NRXN1: variants seen among roughly 807,000 people sequenced by gnomAD.
NRXN1 encodes the protein neurexin 1.
Under a neutral mutation model 150.9 loss-of-function variants are expected in NRXN1, and 39 were observed. The ratio of observed to expected loss-of-function variants is 0.26; its 90% CI spans 0.20 to 0.34. The LOEUF is 0.34. NRXN1 is among the 10% of genes least tolerant of loss of function. The probability of loss-of-function intolerance (pLI) is 1.00; values close to 1 mark genes in which losing one functional copy is unlikely to be tolerated. For missense variants in NRXN1, 1,815 were observed against 1,949.9 expected (o/e 0.93, Z 1.30); for synonymous variants, 924 against 757.0 (o/e 1.22, Z -3.62).
At chr2:49,987,005 C>CA (rs1199877806) in intron 21 of NRXN1, among the ~76,000 whole-genome samples, 4 of 151,766 alleles carry the variant, frequency 2.6e-5, no homozygotes, top group Non-Finnish European at 5.9e-5. Context: ...GTTGAGGCTG[C>CA]AGTGAGCCAC....
At chr2:50,675,576 C>G in intron 5 of NRXN1, among the ~76,000 whole-genome samples, 1 of 152,130 alleles carries the variant, frequency 6.6e-6, no homozygotes, top group Non-Finnish European at 1.5e-5. Flanking sequence ...TTTGGGACAA[C>G]AGTGAAATAT....
chr2:50,675,612 T>G (rs1051962016), intron 5 of NRXN1, among the ~76,000 whole-genome samples: 2 of 152,170 alleles, frequency 1.3e-5, no homozygotes, highest in Admixed American at 6.6e-5. Flanking sequence ...TCCAATGCAA[T>G]GTAAACAAAC....
At chr2:50,070,849 T>G (rs949529763) in intron 19 of NRXN1, among the ~76,000 whole-genome samples, 3 of 150,438 alleles carry the variant, frequency 2.0e-5, no homozygotes, top group Non-Finnish European at 3.0e-5. Context: ...AACCCAGGCA[T>G]CCTAAATAAT....
intron 18 of NRXN1, among the ~76,000 whole-genome samples, chr2:50,227,880 A>C (rs2152866476): frequency 6.6e-6 from 1 of 152,228 alleles, no homozygotes; most frequent in Non-Finnish European, 1.5e-5. Flanking sequence ...CTGAATTTTA[A>C]AATGTATTTA....
intron 19 of NRXN1, among the ~76,000 whole-genome samples, chr2:50,065,058 G>A (rs978618268): frequency 2.0e-5 from 3 of 152,108 alleles, no homozygotes; most frequent in African/African-American, 7.2e-5. Context: ...ATGCATGCTG[G>A]GAAATCCAGT....
chr2:50,439,043 G>A (rs1369979082), intron 17 of NRXN1, among the ~76,000 whole-genome samples: 1 of 152,204 alleles, frequency 6.6e-6, no homozygotes, highest in African/African-American at 2.4e-5. Context: ...GTCGGCAGGG[G>A]CCACTGTGGG....
At chr2:50,369,884 T>A (rs1039460167) in intron 17 of NRXN1, among the ~76,000 whole-genome samples, 1 of 151,956 alleles carries the variant, frequency 6.6e-6, no homozygotes, top group Non-Finnish European at 1.5e-5. Context: ...TACATCACCA[T>A]TGGGAGGAGA....
chr2:50,740,560 T>C (rs1699306458), intron 5 of NRXN1, among the ~76,000 whole-genome samples: 1 of 152,178 alleles, frequency 6.6e-6, no homozygotes, highest in African/African-American at 2.4e-5. Context: ...TATTTTCTCC[T>C]TAAAGAGAAA....
At chr2:50,753,964 T>G (rs972517851) in intron 5 of NRXN1, among the ~76,000 whole-genome samples, 1,400 of 118,042 alleles carry the variant, frequency 0.012, 15 homozygotes, top group Non-Finnish European at 0.015. Flanking sequence ...GATTTTTTTT[T>G]GGGGGGGGGC....
In NRXN1 at chr2:50,346,962, G is replaced by T. The variant is rs796052761; in HGVS notation, c.3365-109992C>A. The T allele has an allele frequency of 1.2e-5, 16 of 1,366,892 alleles. No individual in the cohort carries two copies. In the Admixed American group the frequency reaches 3.0e-4, roughly 25 times the overall value. The allele number at this position is 1,366,892 out of a possible 1,614,324, so 84.7% of individuals were successfully genotyped here. ...TCCTCTGGTACATGGCGGGGCGCCCGCCGAGGGGCAGCCGCCGCGGGAGGC... is the reference window on the plus strand; with the variant it reads ...TCCTCTGGTACATGGCGGGGCGCCCTCCGAGGGGCAGCCGCCGCGGGAGGC... On this transcript the variant is annotated intron_variant, in intron 17 of 22. Coordinates refer to ENST00000401669, the MANE Select transcript of NRXN1 (RefSeq NM_001330078.2). This position sits in a 1 kb window ranked among gnomAD's most constrained non-coding sequence, Gnocchi z 5.0.
chr2:50,722,480 T>C (rs747084071), intron 5 of NRXN1, among the ~76,000 whole-genome samples: 5 of 152,290 alleles, frequency 3.3e-5, no homozygotes, highest in Non-Finnish European at 7.4e-5. Flanking sequence ...GCAGAATATT[T>C]AATGATTTGG....
At chr2:50,552,535 G>T (rs747465793) in intron 9 of NRXN1, 52 bp downstream of exon 9, 1 of 1,367,096 alleles carries the variant, frequency 7.3e-7, no homozygotes, top group Non-Finnish European at 1.0e-6. Flanking sequence ...GAATGGCATG[G>T]GTGGGTGGGG....
intron 5 of NRXN1, among the ~76,000 whole-genome samples, chr2:50,840,689 C>A (rs1209293308): frequency 6.6e-6 from 1 of 152,150 alleles, no homozygotes. Context: ...AAGTAAAATT[C>A]TTCCTACTTT....
At chr2:50,049,548 C>G (rs1238127765) in intron 21 of NRXN1, among the ~76,000 whole-genome samples, 1 of 152,090 alleles carries the variant, frequency 6.6e-6, no homozygotes, top group Non-Finnish European at 1.5e-5. Flanking sequence ...TATGTATTCT[C>G]TATAGTATGT....
At chr2:50,213,159 G>A (rs1210259278) in intron 18 of NRXN1, among the ~76,000 whole-genome samples, 1 of 151,784 alleles carries the variant, frequency 6.6e-6, no homozygotes, top group Non-Finnish European at 1.5e-5. Flanking sequence ...AGAAACAGTG[G>A]TCAAGTGAAC....
intron 2 of NRXN1, among the ~76,000 whole-genome samples, chr2:50,939,634 G>C (rs2104470999): frequency 6.6e-6 from 1 of 152,084 alleles, no homozygotes; most frequent in Middle Eastern, 3.4e-3. Context: ...TCAGGATTTT[G>C]GTCCAAATAA....
rs1312248262 is a variant in NRXN1, at chr2:51,029,002, C to G, written c.-729G>C. The G allele has an allele frequency of 6.6e-6, 1 of 152,240 alleles. No homozygotes were observed. Among genetic ancestry groups the G allele is most frequent in the Non-Finnish European group, 1.5e-5 (1 of 68,044 alleles). 9.4% of individuals were successfully genotyped at this position (152,240 alleles called of 1,614,324 possible). A position where few individuals can be genotyped will look rare whatever the true frequency, so the allele number is the denominator to read the frequency against. On this transcript the variant is annotated 5_prime_UTR_variant, in exon 2 of 23. Coordinates refer to ENST00000401669, the MANE Select transcript of NRXN1 (RefSeq NM_001330078.2). ...ACAAGTTGGATTTTACTTCTCTTTT[C>G]AGCCACGGCAACAGTAGGACTCAAA...
chr2:50,257,543 A>C (rs902045536), intron 17 of NRXN1, among the ~76,000 whole-genome samples: 1 of 151,990 alleles, frequency 6.6e-6, no homozygotes, highest in African/African-American at 2.4e-5. Flanking sequence ...AGGGCCTAGG[A>C]GTCATCTATT....
chr2:50,783,421 C>G (rs987482944), intron 5 of NRXN1, among the ~76,000 whole-genome samples: 2 of 152,090 alleles, frequency 1.3e-5, no homozygotes, highest in African/African-American at 2.4e-5. Flanking sequence ...CTTAAGCTCT[C>G]GGTCTGTGAC....
Sources: gnomAD v4.1 joint callset for allele counts (sites outside exome capture counted in the v4.1 genomes callset) on GRCh38, gnomAD v4.1.1 for gene constraint, Gnocchi (gnomAD v3.1) non-coding constraint, MANE v1.5 for transcripts, NCBI Gene and HGNC (gene_info 2026-07-23, HGNC 2026-07-21) for gene names.